GAL: variants seen among roughly 807,000 people sequenced by gnomAD.
GAL encodes galanin peptides.
In GAL, 14 loss-of-function variants were observed where a neutral mutation model predicts 15.8. The ratio of observed to expected loss-of-function variants is 0.89; its 90% CI spans 0.59 to 1.39. GAL has a LOEUF of 1.39. Ranked by LOEUF, GAL falls within the 40% of genes most tolerant of loss-of-function variation. The probability of loss-of-function intolerance (pLI) is 0.00; values close to 1 mark genes in which losing one functional copy is unlikely to be tolerated. For missense variants in GAL, 176 were observed against 170.4 expected (o/e 1.03, Z -0.18); for synonymous variants, 79 against 73.8 (o/e 1.07, Z -0.36).
chr11:68,691,003 GT>G lies in GAL; in HGVS notation c.*19del. ...GCGGTCCTGAGAGCCTCCTGGGCAT[GT>G]TTGTCTGTGTGCTGTAACCTGAAGT... On this transcript the variant is annotated 3_prime_UTR_variant, in exon 6 of 6. Coordinates refer to ENST00000265643, the MANE Select transcript of GAL (RefSeq NM_015973.5). 1 of 1,517,016 alleles carries G rather than the reference GT, an allele frequency of 6.6e-7. No individual in the cohort carries two copies. 94.0% of individuals were successfully genotyped at this position (1,517,016 alleles called of 1,614,324 possible).
chr11:68,690,518 CT>C (rs1417452237), intron 5 of GAL, among the ~76,000 whole-genome samples: 1 of 152,170 alleles, frequency 6.6e-6, no homozygotes, highest in African/African-American at 2.4e-5. Flanking sequence ...CAAGTTCCCT[CT>C]GTTGGAGCCC....
At chr11:68,688,822 C>T (rs762257514) in intron 4 of GAL, 27 bp from the exon 5 acceptor site, 7 of 1,162,356 alleles carry the variant, frequency 6.0e-6, no homozygotes, top group East Asian at 2.3e-5. Context: ...CTGCACAAGT[C>T]GTGAATGTTG....
At chr11:68,687,870 C>T in intron 3 of GAL, 144 bp from the exon 4 acceptor site, 1 of 635,362 alleles carries the variant, frequency 1.6e-6, no homozygotes, top group East Asian at 2.8e-5. Context: ...GCTCCCTCTG[C>T]TCTGGTGTCT....
At chr11:68,686,701 G>A (rs528419489) in intron 3 of GAL, among the ~76,000 whole-genome samples, 4 of 152,220 alleles carry the variant, frequency 2.6e-5, no homozygotes, top group Admixed American at 6.5e-5. Flanking sequence ...GTCTCTGTGC[G>A]GCCCTCTCAT....
chr11:68,685,491 C>T lies in GAL; in HGVS notation c.82-103C>T, dbSNP rs879201115. Reference sequence around the variant, plus strand: ...TTCGCGAGCTATCCAAAAGCACATGCATTGTTCTAAGTCCTCTGCCATGCC... The same window carrying T: ...TTCGCGAGCTATCCAAAAGCACATGTATTGTTCTAAGTCCTCTGCCATGCC... On this transcript the variant is annotated intron_variant, in intron 2 of 5. Transcript: ENST00000265643. 1.5e-5 allele frequency: 12 copies of T among 787,460 alleles called. No individual in the cohort carries two copies. In the South Asian group the frequency reaches 1.6e-4, roughly 10 times the overall value. The allele number at this position is 787,460 out of a possible 1,614,324, so 48.8% of individuals were successfully genotyped here.
intron 4 of GAL, 54 bp downstream of exon 4, chr11:68,688,154 G>A: frequency 9.5e-7 from 1 of 1,055,994 alleles, no homozygotes; most frequent in South Asian, 1.3e-5. Context: ...CCAGCTCCCA[G>A]GTGCATGCAG....
Position 68,688,006 on chromosome 11 carries a change from G to C in GAL, c.137-8G>C, listed in dbSNP as rs775214389. On this transcript the variant is annotated splice_region_variant and splice_polypyrimidine_tract_variant and intron_variant, in intron 3 of 5. Coordinates refer to ENST00000265643, the MANE Select transcript of GAL (RefSeq NM_015973.5). ...ACCCAGAGGCTTTCCTCTCTGATCTGCAAACAGATGCCGTTGGCAACCACA... is the reference window on the plus strand; with the variant it reads ...ACCCAGAGGCTTTCCTCTCTGATCTCCAAACAGATGCCGTTGGCAACCACA... 6.3e-7 allele frequency: 1 copy of C among 1,596,758 alleles called. No individual in the cohort carries two copies. The highest frequency in any genetic ancestry group is 2.2e-5 in the East Asian group (1 of 44,804).
intron 5 of GAL, among the ~76,000 whole-genome samples, chr11:68,689,756 T>A (rs1379757417): frequency 6.6e-6 from 1 of 152,210 alleles, no homozygotes; most frequent in Non-Finnish European, 1.5e-5. Flanking sequence ...GACTGCAGTG[T>A]TTCTCTATGC....
rs750508297 is a variant in GAL, at chr11:68,685,662, A to G, written c.136+14A>G. 2.5e-6 allele frequency: 4 copies of G among 1,600,918 alleles called. No individual in the cohort carries two copies. Among genetic ancestry groups the G allele is most frequent in the Non-Finnish European group, 3.4e-6 (4 of 1,168,454 alleles). ...TGCTGGGCCCACGTAAGTGACTGAC[A>G]GCATGGCCTCCCCACTCCTGACCCC... is the stretch of plus-strand genomic sequence containing the variant. On this transcript the variant is annotated intron_variant, in intron 3 of 5. Transcript: ENST00000265643.
At position 68,690,736 on chromosome 11, in the gene GAL, TG is replaced by T. The variant is rs1301974125; in HGVS notation, c.302-178del. 2.6e-5 allele frequency among the ~76,000 whole-genome samples: 4 copies of T among 152,310 alleles called. No individual in the cohort carries two copies. In the East Asian group the frequency reaches 7.7e-4, roughly 29 times the overall value. On this transcript the variant is annotated intron_variant, in intron 5 of 5. Coordinates refer to ENST00000265643, the MANE Select transcript of GAL (RefSeq NM_015973.5). ...GACAGTTTTAAATGCTTACTAACTG[TG>T]GGAGTTAAATCATTACGAAGTGAGG...
At chr11:68,690,835 T>C in intron 5 of GAL, 82 bp from the exon 6 acceptor site, 1 of 902,028 alleles carries the variant, frequency 1.1e-6, no homozygotes, top group Middle Eastern at 2.1e-4. Flanking sequence ...ACACGCCGCT[T>C]CCTGTAGCAT....
At chr11:68,689,769 C>T (rs537148632) in intron 5 of GAL, among the ~76,000 whole-genome samples, 1 of 152,356 alleles carries the variant, frequency 6.6e-6, no homozygotes, top group Non-Finnish European at 1.5e-5. Context: ...CTCTATGCAG[C>T]CTTCCTGCCA....
chr11:68,687,159 T>C (rs1945861445), intron 3 of GAL, among the ~76,000 whole-genome samples: 1 of 152,106 alleles, frequency 6.6e-6, no homozygotes, highest in Non-Finnish European at 1.5e-5. Flanking sequence ...GAACGGCATC[T>C]CTGGAAATAC....
chr11:68,685,618 C>G lies in GAL; in HGVS notation c.106C>G (p.Leu36Val), dbSNP rs528520052. 1.2e-6 allele frequency: 2 copies of G among 1,613,716 alleles called. No homozygotes were observed. Among genetic ancestry groups the G allele is most frequent in the South Asian group, 2.2e-5 (2 of 91,054 alleles). Residue 36 changes from leucine to valine, a missense_variant, in exon 3 of 6, where the codon CTG (leucine) becomes GTG (valine). Physicochemically the swap from Leu to Val is conservative, Grantham distance 32 (BLOSUM62 1). Coordinates refer to ENST00000265643, the MANE Select transcript of GAL (RefSeq NM_015973.5). ...SPAKEKRGWT[L>V]NSAGYLLGPH... is the part of the protein sequence containing the mutation. ...GGCCAAGGAAAAACGAGGCTGGACC[C>G]TGAACAGCGCGGGCTACCTGCTGGG...
chr11:68,685,498 C>G, intron 2 of GAL, 96 bp from the exon 3 acceptor site: 1 of 835,986 alleles, frequency 1.2e-6, no homozygotes. Flanking sequence ...ATGCATTGTT[C>G]TAAGTCCTCT....
At chr11:68,688,125 C>G in intron 4 of GAL, 25 bp downstream of exon 4, 1 of 1,452,426 alleles carries the variant, frequency 6.9e-7, no homozygotes, top group Non-Finnish European at 9.7e-7. Flanking sequence ...ATCCCGGGCC[C>G]CGGGGCACCT....
rs1945900843 is a variant in GAL, at chr11:68,691,070, A to G, written c.*83A>G. 5 of 841,872 alleles carry G rather than the reference A, an allele frequency of 5.9e-6. No homozygotes were observed. Among genetic ancestry groups the G allele is most frequent in the Non-Finnish European group, 1.0e-5 (5 of 485,004 alleles). The allele number at this position is 841,872 out of a possible 1,614,324, so 52.2% of individuals were successfully genotyped here. On this transcript the variant is annotated 3_prime_UTR_variant, in exon 6 of 6. Transcript: ENST00000265643. ...TGGATAATCTTCGGCCAATTTATGC[A>G]GAGTCAGCCATTCCTGTTCTCTTTG...
Position 68,684,994 on chromosome 11 carries a change from T to TC in GAL, c.72dup (p.Trp25LeufsTer47), listed in dbSNP as rs761299568. On this transcript the variant is annotated frameshift_variant, in exon 2 of 6. Transcript: ENST00000265643. LOFTEE classifies it high-confidence loss of function. ...GCGGCCCTTTCTGCCTCTGCGGGGC[T>TC]CTGGTCGCCGGTAAGTGCGGGGCGC... 6.3e-7 allele frequency: 1 copy of TC among 1,599,050 alleles called. No individual in the cohort carries two copies. Among genetic ancestry groups the TC allele is most frequent in the East Asian group, 2.3e-5 (1 of 44,364 alleles).
intron 3 of GAL, among the ~76,000 whole-genome samples, chr11:68,686,388 C>T (rs1945852561): frequency 6.6e-6 from 1 of 152,232 alleles, no homozygotes; most frequent in Admixed American, 6.5e-5. Context: ...ACCTCACCAT[C>T]CACCTTAAAA....
Sources: allele counts gnomAD v4.1 joint callset (sites outside exome capture counted in the v4.1 genomes callset), GRCh38; gene constraint gnomAD v4.1.1; transcripts MANE v1.5; gene names NCBI Gene and HGNC (gene_info 2026-07-23, HGNC 2026-07-21).